FNIP1: variants seen among roughly 807,000 people sequenced by gnomAD.
The protein encoded by FNIP1 is folliculin interacting protein 1.
In FNIP1, 40 loss-of-function variants were observed where a neutral mutation model predicts 124.5. That is an observed-to-expected ratio of 0.32 (90% CI 0.25 to 0.42). The LOEUF is 0.42. FNIP1 is among the 10% of genes least tolerant of loss of function. FNIP1 has a pLI of 1.00. For missense variants in FNIP1, 1,176 were observed against 1,403.7 expected, an observed-to-expected ratio of 0.84 and a Z score of 2.59; for synonymous variants, 472 against 470.6, an observed-to-expected ratio of 1.00 and a Z score of -0.04.
intron 3 of FNIP1, among the ~76,000 whole-genome samples, chr5:131,724,242 G>A (rs1407413495): frequency 6.6e-6 from 1 of 152,152 alleles, no homozygotes; most frequent in African/African-American, 2.4e-5. Context: ...GGATTGCTGG[G>A]TCAACTGGTA....
intron 5 of FNIP1, among the ~76,000 whole-genome samples, chr5:131,718,500 C>T (rs563407380): frequency 1.3e-5 from 2 of 152,212 alleles, no homozygotes; most frequent in African/African-American, 4.8e-5. Flanking sequence ...ATCCTGACAC[C>T]AGGCCTGCCT....
At chr5:131,732,977 C>T (rs1455159193) in intron 2 of FNIP1, among the ~76,000 whole-genome samples, 2 of 152,236 alleles carry the variant, frequency 1.3e-5, no homozygotes, top group East Asian at 1.9e-4. Context: ...AATGTTCTTC[C>T]ATTTGTTTGT....
At chr5:131,661,820 T>C (rs1191015826) in intron 15 of FNIP1, among the ~76,000 whole-genome samples, 4 of 152,196 alleles carry the variant, frequency 2.6e-5, no homozygotes, top group Admixed American at 2.6e-4. Flanking sequence ...TCTCTCTCTC[T>C]GTGCAAATTA....
At chr5:131,784,560 C>T (rs1772099079) in intron 1 of FNIP1, among the ~76,000 whole-genome samples, 1 of 152,000 alleles carries the variant, frequency 6.6e-6, no homozygotes, top group African/African-American at 2.4e-5. Flanking sequence ...GTGGCTCACA[C>T]CTGTAATTTC....
chr5:131,753,147 A>G (rs1050880652), intron 1 of FNIP1, among the ~76,000 whole-genome samples: 1 of 152,164 alleles, frequency 6.6e-6, no homozygotes, highest in Non-Finnish European at 1.5e-5. Flanking sequence ...TGACACGACT[A>G]ATAACACCAG....
In FNIP1 at chr5:131,679,194, A is replaced by T. The variant is rs1336207964; in HGVS notation, c.1203-19T>A. On this transcript the variant is annotated intron_variant, in intron 11 of 17. Transcript: ENST00000510461. ...TGTTGTTCTAAAAAGAGGAAGACAC[A>T]TTATGAAATGTATAGTTCCAAGAGT... is the stretch of plus-strand genomic sequence containing the variant. 1 of 1,440,594 alleles carries T rather than the reference A, an allele frequency of 6.9e-7. No homozygotes were observed. The highest frequency in any genetic ancestry group is 1.2e-5 in the South Asian group (1 of 85,466). The allele number at this position is 1,440,594 out of a possible 1,614,324, so 89.2% of individuals were successfully genotyped here.
Position 131,677,780 on chromosome 5 carries a change from A to C in FNIP1, c.1442T>G (p.Phe481Cys). The C allele has an allele frequency of 1.2e-6, 2 of 1,614,148 alleles. No individual in the cohort carries two copies. The highest frequency in any genetic ancestry group is 1.7e-6 in the Non-Finnish European group (2 of 1,180,008). Reference sequence around the variant, plus strand: ...ACTCTGAGAGGAATGCTTTTCTAAAAATATTTTTATAGGTGGTTGTCCATT... The same window carrying C: ...ACTCTGAGAGGAATGCTTTTCTAAACATATTTTTATAGGTGGTTGTCCATT... ...MPNGQPPIKI[F>C]LEKHSSQSVD... Residue 481 changes from phenylalanine to cysteine, a missense_variant, in exon 13 of 18, where the codon TTT becomes TGT. Physicochemically the swap from Phe to Cys is radical, Grantham distance 205. Around this residue, in one of 2 missense-constraint regions of FNIP1, gnomAD observed 1,109 missense variants for 1,288.5 expected, o/e 0.86. Transcript: ENST00000510461.
intron 1 of FNIP1, among the ~76,000 whole-genome samples, chr5:131,766,751 AGAACCTGGT>A (rs1771438662): frequency 6.6e-6 from 1 of 152,224 alleles, no homozygotes. Context: ...CAAAGGCCTA[AGAACCTGGT>A]GAGCCACTGG....
chr5:131,759,636 A>T (rs1771160123), intron 1 of FNIP1, among the ~76,000 whole-genome samples: 1 of 152,196 alleles, frequency 6.6e-6, no homozygotes, highest in South Asian at 2.1e-4. Flanking sequence ...GAACACTTAT[A>T]CATTGTTAGT....
intron 15 of FNIP1, among the ~76,000 whole-genome samples, chr5:131,657,019 CTTTTTTTT>C (rs71000999): frequency 5.6e-5 from 5 of 89,624 alleles, no homozygotes; most frequent in Non-Finnish European, 1.0e-4. Flanking sequence ...CCACCCATGC[CTTTTTTTT>C]TTTTTTTTTT....
chr5:131,777,753 T>C (rs1771859902), intron 1 of FNIP1, among the ~76,000 whole-genome samples: 3 of 152,130 alleles, frequency 2.0e-5, no homozygotes, highest in Admixed American at 1.3e-4. Context: ...ACTAATGATA[T>C]CATATTGTGG....
intron 2 of FNIP1, among the ~76,000 whole-genome samples, chr5:131,732,552 A>T (rs1051018943): frequency 6.6e-6 from 1 of 152,230 alleles, no homozygotes; most frequent in Admixed American, 6.5e-5. Context: ...ACATATGGCT[A>T]GCCAGTTTTC....
chr5:131,725,800 G>A (rs565594993), intron 3 of FNIP1, among the ~76,000 whole-genome samples: 86 of 152,194 alleles, frequency 5.7e-4, no homozygotes, highest in African/African-American at 2.0e-3. Flanking sequence ...TGCTTCCAGC[G>A]TTTGCCCATT....
At chr5:131,681,300 G>A (rs1768070289) in intron 11 of FNIP1, among the ~76,000 whole-genome samples, 1 of 152,088 alleles carries the variant, frequency 6.6e-6, no homozygotes, top group Admixed American at 6.6e-5. Flanking sequence ...TGCTTCTTCA[G>A]GTAATGATAA....
intron 3 of FNIP1, among the ~76,000 whole-genome samples, chr5:131,723,876 A>G (rs1769760369): frequency 6.6e-6 from 1 of 150,592 alleles, no homozygotes; most frequent in African/African-American, 2.4e-5. Context: ...CCACCCCCCA[A>G]TAGGTCCTGG....
rs962685973 is a variant in FNIP1 at position 131,644,419 on chromosome 5, C to G, written c.*266G>C. On this transcript the variant is annotated 3_prime_UTR_variant, in exon 18 of 18. Transcript: ENST00000510461. ...ATATTCATTTTGTAGAAATTTCTAC[C>G]GTACACTTTGGCTTTTTCAAATGCT... 1 of 286,632 alleles carries G rather than the reference C, an allele frequency of 3.5e-6. No individual in the cohort carries two copies. The highest frequency in any genetic ancestry group is 6.6e-6 in the Non-Finnish European group (1 of 151,792). 17.8% of individuals were successfully genotyped at this position (286,632 alleles called of 1,614,324 possible).
At chr5:131,739,812 C>CAAAAAAAAA (rs60928249) in intron 2 of FNIP1, among the ~76,000 whole-genome samples, 1 of 31,374 alleles carries the variant, frequency 3.2e-5, no homozygotes, top group African/African-American at 1.0e-4. Context: ...GACTCCAGCT[C>CAAAAAAAAA]AAAAAAAAAA....
intron 1 of FNIP1, among the ~76,000 whole-genome samples, chr5:131,789,572 C>G (rs932879433): frequency 6.6e-6 from 1 of 152,194 alleles, no homozygotes; most frequent in Middle Eastern, 3.4e-3. Flanking sequence ...CTCACTTTTC[C>G]CCCCAAACAT....
At chr5:131,665,552 T>G (rs1767575162) in intron 15 of FNIP1, among the ~76,000 whole-genome samples, 1 of 150,952 alleles carries the variant, frequency 6.6e-6, no homozygotes, top group Non-Finnish European at 1.5e-5. Flanking sequence ...ATGATAAACT[T>G]TAAGTATGCA....
Sources: allele counts gnomAD v4.1 joint callset (sites outside exome capture counted in the v4.1 genomes callset), GRCh38; gene constraint gnomAD v4.1.1; regional missense constraint gnomAD v4.1.1; transcripts MANE v1.5; gene names NCBI Gene and HGNC (gene_info 2026-07-23, HGNC 2026-07-21).